The following EYA1 variants were observed in gnomAD, a reference collection of about 807,000 sequenced individuals.
EYA1 encodes the protein protein phosphatase EYA1.
EYA1 carries 16 observed loss-of-function variants against 82.0 expected under a neutral mutation model. That is an observed-to-expected ratio of 0.20 (90% CI 0.13 to 0.30). EYA1 has a LOEUF of 0.30. Among genes scored for constraint, EYA1 ranks in the 10% least tolerant of loss-of-function variants. The pLI, the probability that EYA1 is intolerant of heterozygous loss-of-function variation, is 1.00. For missense variants in EYA1, 633 were observed against 730.7 expected (o/e 0.87, Z 1.54); for synonymous variants, 261 against 264.4 (o/e 0.99, Z 0.12).
intron 2 of EYA1, among the ~76,000 whole-genome samples, chr8:71,492,082 G>T (rs1014335284): frequency 1.3e-5 from 2 of 152,108 alleles, no homozygotes; most frequent in East Asian, 3.9e-4. Context: ...CTCAGGTTAG[G>T]TGTCGATGCC....
chr8:71,221,880 T>C (rs1456967980), intron 12 of EYA1, among the ~76,000 whole-genome samples: 1 of 152,124 alleles, frequency 6.6e-6, no homozygotes, highest in Non-Finnish European at 1.5e-5. Context: ...CAGATAGACA[T>C]GCGTGCAGCT....
At chr8:71,258,667 T>C (rs1814733711) in intron 11 of EYA1, among the ~76,000 whole-genome samples, 1 of 152,230 alleles carries the variant, frequency 6.6e-6, no homozygotes, top group Non-Finnish European at 1.5e-5. Context: ...TTCTAGTGAC[T>C]AGGTTAAACT....
chr8:71,453,420 C>A, intron 2 of EYA1, among the ~76,000 whole-genome samples: 1 of 152,094 alleles, frequency 6.6e-6, no homozygotes, highest in Non-Finnish European at 1.5e-5. Flanking sequence ...ATACAGAGAA[C>A]GCCACAAAGA....
chr8:71,218,254 T>C (rs1285826341), intron 12 of EYA1, among the ~76,000 whole-genome samples: 1 of 152,198 alleles, frequency 6.6e-6, no homozygotes, highest in Non-Finnish European at 1.5e-5. Flanking sequence ...AGCCCATCTC[T>C]CTAGCACTTA....
intron 2 of EYA1, among the ~76,000 whole-genome samples, chr8:71,523,836 C>A (rs544405991): frequency 1.3e-5 from 2 of 152,114 alleles, no homozygotes; most frequent in East Asian, 3.9e-4. Flanking sequence ...TTTTGAGATA[C>A]CATATTTTAG....
chr8:71,487,498 C>T (rs1324371795), intron 2 of EYA1, among the ~76,000 whole-genome samples: 1 of 152,178 alleles, frequency 6.6e-6, no homozygotes, highest in African/African-American at 2.4e-5. Flanking sequence ...ACATTATGCC[C>T]TCCTATAAGT....
At chr8:71,312,887 A>G (rs1179160910) in intron 7 of EYA1, among the ~76,000 whole-genome samples, 3 of 152,246 alleles carry the variant, frequency 2.0e-5, no homozygotes, top group Non-Finnish European at 2.9e-5. Context: ...TTCCATCTCT[A>G]CATAGCACAG....
chr8:71,336,891 A>G (rs1281666333), intron 3 of EYA1, among the ~76,000 whole-genome samples: 1 of 152,210 alleles, frequency 6.6e-6, no homozygotes, highest in East Asian at 1.9e-4. Context: ...ACCTGATGCT[A>G]AAGACTGGTG....
intron 2 of EYA1, among the ~76,000 whole-genome samples, chr8:71,465,638 A>C (rs2129195367): frequency 1.3e-5 from 2 of 152,282 alleles, no homozygotes; most frequent in African/African-American, 4.8e-5. Flanking sequence ...ATAAATAAAC[A>C]AATAAAATGA....
chr8:71,443,597 G>A (rs1806599901), intron 2 of EYA1, among the ~76,000 whole-genome samples: 1 of 152,138 alleles, frequency 6.6e-6, no homozygotes, highest in Non-Finnish European at 1.5e-5. Flanking sequence ...ATCTACAAGA[G>A]GACAGTGCTA....
intron 2 of EYA1, among the ~76,000 whole-genome samples, chr8:71,511,437 G>A (rs1812589513): frequency 6.6e-6 from 1 of 152,262 alleles, no homozygotes; most frequent in Middle Eastern, 3.4e-3. Context: ...AAACTTTTGG[G>A]GCTGGGGACA....
At chr8:71,449,404 C>T (rs1329488558) in intron 2 of EYA1, among the ~76,000 whole-genome samples, 1 of 152,214 alleles carries the variant, frequency 6.6e-6, no homozygotes, top group African/African-American at 2.4e-5. Flanking sequence ...TCTCCTTGTA[C>T]ATCTCCACCA....
chr8:71,284,511 T>C (rs1304404180), intron 9 of EYA1, among the ~76,000 whole-genome samples: 1 of 152,192 alleles, frequency 6.6e-6, no homozygotes, highest in East Asian at 1.9e-4. Context: ...GACTTCAGTT[T>C]CCTCAACAGT....
chr8:71,376,845 A>T (rs1182023348), intron 2 of EYA1, among the ~76,000 whole-genome samples: 2 of 152,152 alleles, frequency 1.3e-5, no homozygotes, highest in African/African-American at 4.8e-5. Flanking sequence ...ACTAGTTTTC[A>T]TCACTATCTT....
intron 2 of EYA1, among the ~76,000 whole-genome samples, chr8:71,533,086 A>G (rs1301777704): frequency 1.3e-5 from 2 of 152,210 alleles, no homozygotes; most frequent in Non-Finnish European, 2.9e-5. Flanking sequence ...AAGTGGAAAC[A>G]ATTAGAACAG....
chr8:71,287,080 G>GT, intron 9 of EYA1, among the ~76,000 whole-genome samples: 1 of 152,000 alleles, frequency 6.6e-6, no homozygotes, highest in Non-Finnish European at 1.5e-5. Context: ...GATTACAGGC[G>GT]TGAGACACCC....
At chr8:71,203,583 T>C (rs982857291) in intron 17 of EYA1, among the ~76,000 whole-genome samples, 2 of 152,116 alleles carry the variant, frequency 1.3e-5, no homozygotes, top group South Asian at 4.1e-4. Context: ...GGGGCTGGAC[T>C]GGTGTGTAAA....
At chr8:71,215,788 C>T in intron 14 of EYA1, 60 bp from the exon 15 acceptor site, 1 of 1,152,332 alleles carries the variant, frequency 8.7e-7, no homozygotes. Context: ...TTCGGCTTTG[C>T]AAGTAATTAA....
At chr8:71,459,839 C>A (rs1325522250) in intron 2 of EYA1, among the ~76,000 whole-genome samples, 1 of 152,076 alleles carries the variant, frequency 6.6e-6, no homozygotes, top group African/African-American at 2.4e-5. Context: ...TGTCAATTTG[C>A]ATACCCACTA....
Sources: allele counts gnomAD v4.1 joint callset (sites outside exome capture counted in the v4.1 genomes callset), GRCh38; gene constraint gnomAD v4.1.1; transcripts MANE v1.5; gene names NCBI Gene and HGNC (gene_info 2026-07-23, HGNC 2026-07-21).